TIAM2: variants seen among roughly 807,000 people sequenced by gnomAD.
TIAM2 encodes TIAM Rac1 associated GEF 2, also known as rho guanine nucleotide exchange factor TIAM2.
TIAM2 carries 80 observed loss-of-function variants against 152.9 expected under a neutral mutation model. That is an observed-to-expected ratio of 0.52 (90% CI 0.44 to 0.63). TIAM2 has a LOEUF of 0.63. TIAM2 is among the 30% of genes least tolerant of loss of function. The pLI is 0.00. For synonymous variants in TIAM2, 804 were observed against 838.0 expected, an observed-to-expected ratio of 0.96 and a Z score of 0.70; for missense variants, 1,965 against 2,120.1, an observed-to-expected ratio of 0.93 and a Z score of 1.44.
intron 14 of TIAM2, among the ~76,000 whole-genome samples, chr6:155,187,611 C>CTTTTTTTTTTTTTT (rs1781079830): frequency 1.3e-5 from 1 of 79,676 alleles, no homozygotes. Flanking sequence ...TGAAGTTTTG[C>CTTTTTTTTTTTTTT]TCTTGTTGCC....
chr6:154,995,710 G>C lies in TIAM2; in HGVS notation c.-209+218G>C, dbSNP rs1200146006. The stretch of plus-strand genomic sequence containing the variant: ...CTCTCCCCGGAGGGCGGCAGCGTCC[G>C]GGCACAGCCTGGCACGGGGGACGAA... On this transcript the variant is annotated intron_variant, in intron 1 of 26. Transcript: ENST00000682666. The surrounding 1 kb of genome is among the most constrained non-coding windows in gnomAD (Gnocchi z 5.2). 6.6e-6 allele frequency among the ~76,000 whole-genome samples: 1 copy of C among 152,226 alleles called. No individual in the cohort carries two copies. The highest frequency in any genetic ancestry group is 1.9e-4 in the East Asian group (1 of 5,154).
chr6:155,129,236 G>A lies in TIAM2; in HGVS notation c.13G>A (p.Asp5Asn), dbSNP rs551467133. 12 of 1,611,028 alleles carry A rather than the reference G, an allele frequency of 7.4e-6. No homozygotes were observed. The highest frequency in any genetic ancestry group is 4.4e-5 in the South Asian group (4 of 91,034). The change falls in exon 4 of 27, where the codon GAC (aspartate) becomes AAC (asparagine). Residue 5 changes from aspartate to asparagine, a missense_variant. Transcript: ENST00000682666. This position sits in a 1 kb window ranked among gnomAD's most constrained non-coding sequence, Gnocchi z 4.8. ...AATTTAGGTTAAAATGGGCAACTCCGACAGTCAGTACACCCTTCAAGGATC... is the reference window on the plus strand; with the variant it reads ...AATTTAGGTTAAAATGGGCAACTCCAACAGTCAGTACACCCTTCAAGGATC... MGNS[D>N]SQYTLQGSKN...
intron 15 of TIAM2, among the ~76,000 whole-genome samples, chr6:155,221,663 G>A (rs1396284699): frequency 6.6e-6 from 1 of 152,138 alleles, no homozygotes; most frequent in African/African-American, 2.4e-5. Context: ...AGCTGCTTGA[G>A]GTCTCCCCTT....
chr6:155,147,730 C>T (rs1779850074), intron 6 of TIAM2, among the ~76,000 whole-genome samples: 1 of 152,188 alleles, frequency 6.6e-6, no homozygotes, highest in Non-Finnish European at 1.5e-5. Flanking sequence ...GGTGATCCAC[C>T]TGCTTCAGCC....
intron 1 of TIAM2, among the ~76,000 whole-genome samples, chr6:155,084,050 A>G (rs924810427): frequency 6.6e-6 from 1 of 152,224 alleles, no homozygotes; most frequent in African/African-American, 2.4e-5. Flanking sequence ...GAGGAGTGTC[A>G]GAGAACTTAC....
intron 7 of TIAM2, among the ~76,000 whole-genome samples, chr6:155,152,637 T>C (rs887952997): frequency 6.6e-6 from 1 of 152,136 alleles, no homozygotes; most frequent in African/African-American, 2.4e-5. Context: ...TGGATCCGAG[T>C]GTCTCAGAGT....
At chr6:155,202,054 C>G (rs1328950919) in intron 14 of TIAM2, among the ~76,000 whole-genome samples, 2 of 152,080 alleles carry the variant, frequency 1.3e-5, no homozygotes, top group Non-Finnish European at 2.9e-5. Flanking sequence ...ATGCAAAGTC[C>G]CAGATATGGT....
rs1486986100 is a variant in TIAM2, at chr6:155,244,628, C to T, written c.3418-30C>T. 37 of 1,608,066 alleles carry T rather than the reference C, an allele frequency of 2.3e-5. No homozygotes were observed. In the Admixed American group the frequency reaches 6.2e-4, roughly 27 times the overall value. ...GGTGTCCTGAACTTCATGGCTAATC[C>T]CCTCATTTCAAATCCTGATCTTCAC... is the stretch of plus-strand genomic sequence containing the variant. On this transcript the variant is annotated intron_variant, in intron 17 of 26. Coordinates refer to ENST00000682666, the MANE Select transcript of TIAM2 (RefSeq NM_012454.4).
chr6:155,004,090 T>G (rs942518516), intron 1 of TIAM2, among the ~76,000 whole-genome samples: 5 of 152,254 alleles, frequency 3.3e-5, no homozygotes, highest in Non-Finnish European at 7.3e-5. Flanking sequence ...TTGGCCAGGC[T>G]GTCCTGAACT....
At chr6:155,057,342 TC>T (rs1244629427) in intron 1 of TIAM2, among the ~76,000 whole-genome samples, 3 of 151,950 alleles carry the variant, frequency 2.0e-5, no homozygotes, top group Non-Finnish European at 2.9e-5. Context: ...GCTGGCCACC[TC>T]AATTTTCTGA....
At chr6:155,056,677 G>A (rs573557071) in intron 1 of TIAM2, among the ~76,000 whole-genome samples, 2 of 151,942 alleles carry the variant, frequency 1.3e-5, no homozygotes, top group South Asian at 4.2e-4. Flanking sequence ...CAGAATTCTT[G>A]CAAAAAATAG....
intron 1 of TIAM2, among the ~76,000 whole-genome samples, chr6:155,055,986 A>AC (rs1777442224): frequency 1.3e-5 from 2 of 151,994 alleles, no homozygotes; most frequent in Non-Finnish European, 1.5e-5. Flanking sequence ...AACAACAACA[A>AC]AAGAGTTGAG....
intron 19 of TIAM2, among the ~76,000 whole-genome samples, chr6:155,246,613 G>A (rs900155804): frequency 6.6e-6 from 1 of 152,154 alleles, no homozygotes; most frequent in African/African-American, 2.4e-5. Flanking sequence ...TGGGATTATA[G>A]GCATGAGCCA....
chr6:155,224,087 C>T lies in TIAM2; in HGVS notation c.3168+12780C>T, dbSNP rs78185866. Among the ~76,000 whole-genome samples the T allele has an allele frequency of 1.4e-4, 22 of 152,244 alleles. No individual in the cohort carries two copies. In the East Asian group the frequency reaches 2.7e-3, roughly 19 times the overall value. The stretch of plus-strand genomic sequence containing the variant: ...TTGCCATTGTTCAAAGTTCTGAAAT[C>T]GTCACCTGGCTGCCTTCTGTCAATA... On this transcript the variant is annotated intron_variant, in intron 15 of 26. Coordinates refer to ENST00000682666, the MANE Select transcript of TIAM2 (RefSeq NM_012454.4).
At chr6:155,112,262 AT>A (rs1453811477) in intron 2 of TIAM2, among the ~76,000 whole-genome samples, 1 of 151,224 alleles carries the variant, frequency 6.6e-6, no homozygotes, top group Non-Finnish European at 1.5e-5. Flanking sequence ...AGCAGCTGGG[AT>A]TACAGGCATG....
At chr6:155,010,799 C>T (rs965348401) in intron 1 of TIAM2, among the ~76,000 whole-genome samples, 5 of 146,690 alleles carry the variant, frequency 3.4e-5, no homozygotes, top group African/African-American at 7.6e-5. Context: ...TTGGCCAGGC[C>T]GGTCTCGACC....
Position 155,156,694 on chromosome 6 carries a change from G to A in TIAM2, c.2029-7721G>A, listed in dbSNP as rs1398509103. 6.6e-6 allele frequency among the ~76,000 whole-genome samples: 1 copy of A among 151,920 alleles called. No homozygotes were observed. Among genetic ancestry groups the A allele is most frequent in the Non-Finnish European group, 1.5e-5 (1 of 67,956 alleles). ...AATAAATAAAGTAAAAAAATAAAAA[G>A]CACATGTGATCCTGTGATTGCCAGA... On this transcript the variant is annotated intron_variant, in intron 7 of 26. Coordinates refer to ENST00000682666, the MANE Select transcript of TIAM2 (RefSeq NM_012454.4). The surrounding 1 kb of genome is among the most constrained non-coding windows in gnomAD (Gnocchi z 4.4).
At chr6:155,140,059 A>G (rs1325920257) in intron 5 of TIAM2, among the ~76,000 whole-genome samples, 2 of 152,250 alleles carry the variant, frequency 1.3e-5, no homozygotes, top group African/African-American at 4.8e-5. Context: ...ATGTGATTTC[A>G]AAGAGCAAAT....
chr6:155,173,415 A>T (rs1035628945), intron 9 of TIAM2, among the ~76,000 whole-genome samples: 1 of 152,086 alleles, frequency 6.6e-6, no homozygotes, highest in Non-Finnish European at 1.5e-5. Context: ...TTTTAATAGG[A>T]TTATTTCTTT....
Sources: allele counts gnomAD v4.1 joint callset (sites outside exome capture counted in the v4.1 genomes callset), GRCh38; gene constraint gnomAD v4.1.1; non-coding constraint Gnocchi (gnomAD v3.1); transcripts MANE v1.5; gene names NCBI Gene and HGNC (gene_info 2026-07-23, HGNC 2026-07-21).